NFIB: variants seen among roughly 807,000 people sequenced by gnomAD.
NFIB encodes nuclear factor I B.
In NFIB, 11 loss-of-function variants were observed where a neutral mutation model predicts 61.5. That is an observed-to-expected ratio of 0.18 (90% CI 0.11 to 0.30). The LOEUF (loss-of-function observed/expected upper bound fraction) is 0.30, where lower values mean the gene tolerates loss of function less well. Among genes scored for constraint, NFIB ranks in the 10% least tolerant of loss-of-function variants. NFIB has a pLI of 1.00. For missense variants in NFIB, 471 were observed against 608.9 expected, an observed-to-expected ratio of 0.77 and a Z score of 2.38; for synonymous variants, 260 against 216.5, an observed-to-expected ratio of 1.20 and a Z score of -1.76.
At chr9:14,346,484 G>A (rs958949077) in intron 1 of NFIB, among the ~76,000 whole-genome samples, 1 of 152,098 alleles carries the variant, frequency 6.6e-6, no homozygotes, top group Non-Finnish European at 1.5e-5. Flanking sequence ...ATGGGATTCA[G>A]AAAAGCCCGC....
At chr9:14,399,845 T>TTG (rs1322583526), upstream of NFIB, among the ~76,000 whole-genome samples, 2 of 152,190 alleles carry the variant, frequency 1.3e-5, no homozygotes, top group Non-Finnish European at 2.9e-5. Context: ...GTTAAGCAAC[T>TTG]TGGTAAAATA....
At chr9:14,152,317 G>A (rs1201435047) in intron 4 of NFIB, among the ~76,000 whole-genome samples, 2 of 152,080 alleles carry the variant, frequency 1.3e-5, no homozygotes, top group African/African-American at 4.8e-5. Flanking sequence ...CAGCTAAAAT[G>A]TAGCTATGTC....
chr9:14,136,239 G>C (rs564797318), intron 6 of NFIB, among the ~76,000 whole-genome samples: 1 of 152,194 alleles, frequency 6.6e-6, no homozygotes, highest in African/African-American at 2.4e-5. Flanking sequence ...GACAGACAAT[G>C]ATAAAGGGTC....
chr9:14,510,539 A>G, the NFIB span, among the ~76,000 whole-genome samples: 1 of 152,368 alleles, frequency 6.6e-6, no homozygotes, highest in South Asian at 2.1e-4. Flanking sequence ...ATTTTTGCAT[A>G]TAACATATTA....
upstream of NFIB, among the ~76,000 whole-genome samples, chr9:14,400,266 T>C (rs2061730049): frequency 6.6e-6 from 1 of 152,148 alleles, no homozygotes; most frequent in Non-Finnish European, 1.5e-5. Flanking sequence ...TGCACAGGGA[T>C]CCTACTACTT....
chr9:14,354,073 T>C (rs1001329555), intron 1 of NFIB, among the ~76,000 whole-genome samples: 2 of 152,146 alleles, frequency 1.3e-5, no homozygotes, highest in African/African-American at 4.8e-5. Context: ...TTGTCTGAAC[T>C]CTAATGTTGA....
chr9:14,466,849 G>A, the NFIB span, among the ~76,000 whole-genome samples: 1 of 152,152 alleles, frequency 6.6e-6, no homozygotes, highest in East Asian at 1.9e-4. Flanking sequence ...ACACCCAAAG[G>A]ATGGCCTGGC....
intron 2 of NFIB, among the ~76,000 whole-genome samples, chr9:14,205,899 A>G (rs546515200): frequency 6.6e-6 from 1 of 151,742 alleles, no homozygotes; most frequent in East Asian, 1.9e-4. Flanking sequence ...TATATTTTGA[A>G]TAATGTCTAT....
At chr9:14,138,392 G>C (rs2041311862) in intron 6 of NFIB, among the ~76,000 whole-genome samples, 1 of 151,988 alleles carries the variant, frequency 6.6e-6, no homozygotes, top group Admixed American at 6.6e-5. Flanking sequence ...CTAAAAAGAA[G>C]GTGAAAATAC....
At chr9:14,134,897 CAAAAAA>C (rs57014530) in intron 6 of NFIB, among the ~76,000 whole-genome samples, 1 of 64,342 alleles carries the variant, frequency 1.6e-5, no homozygotes, top group African/African-American at 4.6e-5. Context: ...GACTCTGTCT[CAAAAAA>C]AAAAAAAAAA....
chr9:14,420,873 A>G, the NFIB span, among the ~76,000 whole-genome samples: 1 of 152,198 alleles, frequency 6.6e-6, no homozygotes, highest in African/African-American at 2.4e-5. Flanking sequence ...CTTAATTGCC[A>G]TAATTCAATT....
intron 1 of NFIB, among the ~76,000 whole-genome samples, chr9:14,363,052 T>G (rs985419034): frequency 6.6e-6 from 1 of 152,200 alleles, no homozygotes; most frequent in African/African-American, 2.4e-5. Flanking sequence ...TACATTCATT[T>G]TATTGAGTCC....
At chr9:14,353,250 G>A (rs1354854569) in intron 1 of NFIB, among the ~76,000 whole-genome samples, 1 of 152,126 alleles carries the variant, frequency 6.6e-6, no homozygotes, top group Non-Finnish European at 1.5e-5. Context: ...TATTTAATTT[G>A]TGATTGTTTT....
chr9:14,276,117 G>A (rs1425437806), intron 2 of NFIB, among the ~76,000 whole-genome samples: 1 of 152,070 alleles, frequency 6.6e-6, no homozygotes, highest in Non-Finnish European at 1.5e-5. Context: ...AAAGGTCTAG[G>A]TTTGCCATAC....
intron 6 of NFIB, among the ~76,000 whole-genome samples, chr9:14,134,440 G>A (rs2040763559): frequency 6.6e-6 from 1 of 152,096 alleles, no homozygotes; most frequent in Non-Finnish European, 1.5e-5. Flanking sequence ...AACTAGACAA[G>A]AATCACCCAA....
chr9:14,157,122 T>C (rs1250461584), intron 3 of NFIB, among the ~76,000 whole-genome samples: 1 of 152,158 alleles, frequency 6.6e-6, no homozygotes, highest in Non-Finnish European at 1.5e-5. Flanking sequence ...TATAGAGTTG[T>C]TACTACTGGA....
chr9:14,488,113 C>T, the NFIB span, among the ~76,000 whole-genome samples: 2 of 152,064 alleles, frequency 1.3e-5, no homozygotes, highest in Admixed American at 6.6e-5. Context: ...GTGGCTGGCT[C>T]GTGTCTGTAA....
At chr9:14,279,468 G>A (rs1451489943) in intron 2 of NFIB, among the ~76,000 whole-genome samples, 1 of 152,112 alleles carries the variant, frequency 6.6e-6, no homozygotes, top group Admixed American at 6.5e-5. Flanking sequence ...GGGAAATTAA[G>A]GCTAACAGTG....
At chr9:14,424,719 T>C in the NFIB span, among the ~76,000 whole-genome samples, 2 of 151,988 alleles carry the variant, frequency 1.3e-5, no homozygotes, top group Admixed American at 6.6e-5. Flanking sequence ...CGAGGGCGGG[T>C]TCTTGACATT....
Sources: gnomAD v4.1 joint callset for allele counts (sites outside exome capture counted in the v4.1 genomes callset) on GRCh38, gnomAD v4.1.1 for gene constraint, MANE v1.5 for transcripts, NCBI Gene and HGNC (gene_info 2026-07-23, HGNC 2026-07-21) for gene names.